Variants in PRSS36 observed in about 807,000 individuals in gnomAD.
PRSS36 encodes polyserase-2.
PRSS36 carries 90 observed loss-of-function variants against 94.3 expected under a neutral mutation model. The observed-to-expected ratio is 0.95, with a 90% CI of 0.80 to 1.14. The LOEUF (loss-of-function observed/expected upper bound fraction) is 1.14. PRSS36 is among the 50% of genes most tolerant of loss of function. PRSS36 has a pLI of 0.00. For missense variants in PRSS36, 1,158 were observed against 1,135.0 expected, an observed-to-expected ratio of 1.02 and a Z score of -0.29; for synonymous variants, 500 against 489.6, an observed-to-expected ratio of 1.02 and a Z score of -0.28.
chr16:31,145,507 G>C (rs981611504), intron 6 of PRSS36, among the ~76,000 whole-genome samples: 8 of 151,986 alleles, frequency 5.3e-5, no homozygotes, highest in Non-Finnish European at 1.2e-4. Flanking sequence ...GTGCATGCCT[G>C]TAATCTCAGC....
At position 31,142,785 on chromosome 16, in the gene PRSS36, A is replaced by G; in HGVS notation, c.1309T>C (p.Tyr437His). The change falls in exon 9 of 15, where the codon TAC becomes CAC. Residue 437 changes from tyrosine (Y) to histidine (H), a missense_variant. Physicochemically the swap from Tyr to His is moderately conservative, Grantham distance 83. Coordinates refer to ENST00000268281, the MANE Select transcript of PRSS36 (RefSeq NM_173502.5). ...RPVCLPHPEH[Y>H]FLPGSRCRLA... ...CGGCAGCGGCTCCCGGGCAGGAAGT[A>G]GTGTTCCGGGTGGGGTAGGCACACG... 2 of 1,472,638 alleles carry G rather than the reference A, an allele frequency of 1.4e-6. No homozygotes were observed. The highest frequency in any genetic ancestry group is 1.8e-6 in the Non-Finnish European group (2 of 1,108,798). The allele number at this position is 1,472,638 out of a possible 1,614,324, so 91.2% of individuals were successfully genotyped here.
chr16:31,147,034 A>G (rs1434790160), intron 5 of PRSS36, among the ~76,000 whole-genome samples: 2 of 152,158 alleles, frequency 1.3e-5, no homozygotes, highest in Non-Finnish European at 2.9e-5. Flanking sequence ...AGGTCAGGTG[A>G]TGGCTGAAGC....
intron 11 of PRSS36, 41 bp downstream of exon 11, chr16:31,141,682 C>T: frequency 6.2e-7 from 1 of 1,607,590 alleles, no homozygotes; most frequent in Non-Finnish European, 8.5e-7. Flanking sequence ...TGGGTCTGTG[C>T]ACTCCCAGGA....
intron 12 of PRSS36, 22 bp downstream of exon 12, chr16:31,141,447 C>G (rs34920231): frequency 6.3e-7 from 1 of 1,587,452 alleles, no homozygotes. Flanking sequence ...CGTCTCTCGC[C>G]TAGGAGACGA....
chr16:31,141,788 C>T lies in PRSS36; in HGVS notation c.1694G>A (p.Trp565Ter), dbSNP rs760532332. ...RGAYLEDQLA[W>*]DWGPDGEETE... ...CTCCTCCCCATCAGGGCCCCAATCC[C>T]AGGCTAGCTGGTCCTCCAGGTAGGC... Residue 565 changes from tryptophan (W) to a stop codon, truncating the protein, a stop_gained, in exon 11 of 15, where the codon TGG (tryptophan) becomes TAG (stop). Transcript: ENST00000268281. LOFTEE classifies it high-confidence loss of function. 6.2e-7 allele frequency: 1 copy of T among 1,614,070 alleles called. No homozygotes were observed. Among genetic ancestry groups the T allele is most frequent in the African/African-American group, 1.3e-5 (1 of 74,916 alleles).
intron 2 of PRSS36, 51 bp from the exon 3 acceptor site, chr16:31,149,549 C>T: frequency 5.0e-6 from 8 of 1,611,352 alleles, no homozygotes; most frequent in Non-Finnish European, 5.9e-6. Flanking sequence ...TCCAGGCCTG[C>T]ACCGCCCAGC....
chr16:31,140,350 G>A lies in PRSS36; in HGVS notation c.2233C>T (p.Leu745=), dbSNP rs948129914. The part of the protein sequence containing the change: ...RICDCLYQGI[L]PPGTLCVLYA... Reference sequence around the variant, plus strand: ...AGGACACAGAGGGTTCCAGGGGGCAGGATGCCCTGATAGAGGCAGTCACAG... The same window carrying A: ...AGGACACAGAGGGTTCCAGGGGGCAAGATGCCCTGATAGAGGCAGTCACAG... The change falls in exon 14 of 15, where the codon CTG becomes TTG. Residue 745 remains leucine (L), a synonymous_variant. Coordinates refer to ENST00000268281, the MANE Select transcript of PRSS36 (RefSeq NM_173502.5). 5 of 1,613,998 alleles carry A rather than the reference G, an allele frequency of 3.1e-6. No homozygotes were observed. In the African/African-American group the frequency reaches 5.3e-5, roughly 17 times the overall value.
At chr16:31,143,994 G>C (rs1440630469) in intron 6 of PRSS36, among the ~76,000 whole-genome samples, 157 bp from the exon 7 acceptor site, 1 of 152,178 alleles carries the variant, frequency 6.6e-6, no homozygotes, top group Non-Finnish European at 1.5e-5. Context: ...GCTCTAAACA[G>C]AAGAAATCCC....
chr16:31,144,561 A>G (rs1228919034), intron 6 of PRSS36, among the ~76,000 whole-genome samples: 1 of 151,778 alleles, frequency 6.6e-6, no homozygotes, highest in Non-Finnish European at 1.5e-5. Flanking sequence ...TCCCGCCTCA[A>G]TTTTTCTGAT....
chr16:31,148,543 C>G lies in PRSS36; in HGVS notation c.405G>C (p.Glu135Asp). The change falls in exon 5 of 15, where the codon GAG becomes GAC. Residue 135 changes from glutamate to aspartate, a missense_variant. Transcript: ENST00000268281. ...GCAGCAGGGCCAGGTCGGCGCCCAG[C>G]TCCACTTGGCTGTAGTTGGCCGGCA... Reference protein sequence around the residue: ...IVVPANYSQVELGADLALLRL... With the variant: ...IVVPANYSQVDLGADLALLRL... 1 of 1,604,566 alleles carries G rather than the reference C, an allele frequency of 6.2e-7. No homozygotes were observed. The highest frequency in any genetic ancestry group is 1.1e-5 in the South Asian group (1 of 90,684).
At chr16:31,148,306 G>T in intron 5 of PRSS36, 89 bp downstream of exon 5, 2 of 1,377,072 alleles carry the variant, frequency 1.5e-6, no homozygotes, top group Non-Finnish European at 1.9e-6. Flanking sequence ...CCGCTCCGTG[G>T]CCCCACCTCC....
chr16:31,141,994 T>A, intron 10 of PRSS36, 34 bp from the exon 11 acceptor site: 1 of 1,588,402 alleles, frequency 6.3e-7, no homozygotes. Context: ...TACTTGCCTC[T>A]GCGTGTGTGC....
chr16:31,139,388 T>C lies in PRSS36; in HGVS notation c.2318A>G (p.Gln773Arg). Residue 773 changes from glutamine to arginine, a missense_variant, in exon 15 of 15, where the codon CAG becomes CGG. Physicochemically the swap from Gln to Arg is conservative, Grantham distance 43. Coordinates refer to ENST00000268281, the MANE Select transcript of PRSS36 (RefSeq NM_173502.5). ...EMTSAPPLLC[Q>R]MTEGSWILVG... ...GAGGATCCAGGACCCTTCCGTCATCTGGCACAGGAGGGGCGGTGCTGAGGT... is the reference window on the plus strand; with the variant it reads ...GAGGATCCAGGACCCTTCCGTCATCCGGCACAGGAGGGGCGGTGCTGAGGT... The C allele has an allele frequency of 6.2e-7, 1 of 1,614,100 alleles. No individual in the cohort carries two copies. Among genetic ancestry groups the C allele is most frequent in the Non-Finnish European group, 8.5e-7 (1 of 1,179,998 alleles).
In PRSS36 at chr16:31,142,863, G is replaced by A; in HGVS notation, c.1231C>T (p.Leu411=). ...GGCGTGCGCAGCTGCAGCAGCGCCA[G>A]GTCCGAGGCGTTGTCCCACGAAGCG... ...ENASWDNASD[L]ALLQLRTPVN... Residue 411 remains leucine (L), a synonymous_variant, in exon 9 of 15, where the codon CTG becomes TTG. Transcript: ENST00000268281. 1 of 1,560,298 alleles carries A rather than the reference G, an allele frequency of 6.4e-7. No individual in the cohort carries two copies. Among genetic ancestry groups the A allele is most frequent in the South Asian group, 1.2e-5 (1 of 84,692 alleles).
intron 14 of PRSS36, 60 bp downstream of exon 14, chr16:31,140,234 G>A (rs953860415): frequency 5.9e-6 from 9 of 1,529,396 alleles, no homozygotes; most frequent in Non-Finnish European, 7.9e-6. Context: ...ATCTCTCTAG[G>A]GTACAGTAGT....
At position 31,148,410 on chromosome 16, in the gene PRSS36, C is replaced by A. The variant is rs1250220278; in HGVS notation, c.538G>T (p.Asp180Tyr). 1.9e-6 allele frequency: 3 copies of A among 1,569,562 alleles called. No homozygotes were observed. The change falls in exon 5 of 15, where the codon GAC becomes TAC. Residue 180 changes from aspartate to tyrosine, a missense_variant. Coordinates refer to ENST00000268281, the MANE Select transcript of PRSS36 (RefSeq NM_173502.5). ...GTACWATGWGDVQEADPLPLP... is the reference protein window; with the variant it reads ...GTACWATGWGYVQEADPLPLP... ...TCCCACTCACCTGCCTCCTGGACGT[C>A]TCCCCAGCCGGTGGCCCAGCAGGCG...
chr16:31,149,187 G>A lies in PRSS36; in HGVS notation c.158C>T (p.Ala53Val), dbSNP rs1254581835. The A allele has an allele frequency of 1.3e-6, 2 of 1,570,464 alleles. No individual in the cohort carries two copies. Among genetic ancestry groups the A allele is most frequent in the South Asian group, 1.2e-5 (1 of 85,704 alleles). ...TTGCCAAGGCCAGGTGCCCGGCTGCGCGTTTGAGCCCCCCACGATGCGGGC... is the reference window on the plus strand; with the variant it reads ...TTGCCAAGGCCAGGTGCCCGGCTGCACGTTTGAGCCCCCCACGATGCGGGC... The part of the protein sequence containing the change: ...PSARIVGGSN[A>V]QPGTWPWQVS... Residue 53 changes from alanine (A) to valine (V), a missense_variant, in exon 4 of 15, where the codon GCG (alanine) becomes GTG (valine). Transcript: ENST00000268281.
chr16:31,147,542 G>A (rs1178445023), intron 5 of PRSS36, among the ~76,000 whole-genome samples: 4 of 152,122 alleles, frequency 2.6e-5, no homozygotes, highest in Non-Finnish European at 4.4e-5. Context: ...TTGGGTGATG[G>A]GGATGATGGG....
chr16:31,143,631 A>C lies in PRSS36; in HGVS notation c.927T>G (p.Asp309Glu), dbSNP rs2057753288. 6.2e-7 allele frequency: 1 copy of C among 1,614,000 alleles called. No homozygotes were observed. ...FPTQPQKTQS[D>E]PQEPREENCT... ...AGTTCTCCTCCCTGGGCTCCTGGGG[A>C]TCTGACTGGGTCTTCTGGGGCTGGG... The change falls in exon 7 of 15, where the codon GAT becomes GAG. Residue 309 changes from aspartate to glutamate, a missense_variant. Physicochemically the swap from Asp to Glu is conservative, Grantham distance 45. Coordinates refer to ENST00000268281, the MANE Select transcript of PRSS36 (RefSeq NM_173502.5).
Sources: gnomAD v4.1 joint callset for allele counts (sites outside exome capture counted in the v4.1 genomes callset) on GRCh38, gnomAD v4.1.1 for gene constraint, MANE v1.5 for transcripts, NCBI Gene and HGNC (gene_info 2026-07-23, HGNC 2026-07-21) for gene names.